HMX3: variants seen among roughly 807,000 people sequenced by gnomAD.
HMX3 encodes the protein H6 family homeobox 3, also known as homeobox protein HMX3.
Under a neutral mutation model 22.8 loss-of-function variants are expected in HMX3, and 8 were observed. The ratio of observed to expected loss-of-function variants is 0.35; its 90% CI spans 0.21 to 0.63. HMX3 has a LOEUF of 0.63. HMX3 is among the 30% of genes least tolerant of loss of function. The pLI is 0.72. For missense variants in HMX3, 527 were observed against 520.6 expected, an observed-to-expected ratio of 1.01 and a Z score of -0.12; for synonymous variants, 331 against 250.9, an observed-to-expected ratio of 1.32 and a Z score of -3.02.
At position 123,137,101 on chromosome 10, in the gene HMX3, C is replaced by T. The variant is rs765905744; in HGVS notation, c.444C>T (p.Gly148=). The part of the protein sequence containing the change: ...ALLRDSSPAS[G]TDRDSPEPLL... ...TGAGAGACTCCTCCCCCGCCTCCGG[C>T]ACAGACCGCGACTCTCCGGAGCCAC... Residue 148 remains glycine, a synonymous_variant, in exon 2 of 2, where the codon GGC becomes GGT. Coordinates refer to ENST00000357878, the MANE Select transcript of HMX3 (RefSeq NM_001105574.2). The surrounding 1 kb of genome is among the most constrained non-coding windows in gnomAD (Gnocchi z 5.8). 1 of 1,611,108 alleles carries T rather than the reference C, an allele frequency of 6.2e-7. No homozygotes were observed. Among genetic ancestry groups the T allele is most frequent in the Non-Finnish European group, 8.5e-7 (1 of 1,179,192 alleles).
At position 123,137,161 on chromosome 10, in the gene HMX3, C is replaced by T. The variant is rs765773748; in HGVS notation, c.504C>T (p.Asp168=). ...LKADPDHKEL[D]SKSPDEIILE... ...CCGACCCCGATCACAAGGAGCTGGA[C>T]TCCAAGAGCCCGGACGAGATCATTC... Residue 168 remains aspartate, a synonymous_variant, in exon 2 of 2, where the codon GAC becomes GAT. Transcript: ENST00000357878. This position sits in a 1 kb window ranked among gnomAD's most constrained non-coding sequence, Gnocchi z 5.8. The T allele has an allele frequency of 3.1e-6, 5 of 1,605,736 alleles. No homozygotes were observed. Among genetic ancestry groups the T allele is most frequent in the Non-Finnish European group, 3.4e-6 (4 of 1,176,270 alleles).
chr10:123,137,296 G>T lies in HMX3; in HGVS notation c.639G>T (p.Lys213Asn). Residue 213 changes from lysine to asparagine, a missense_variant, in exon 2 of 2, where the codon AAG (lysine) becomes AAT (asparagine). Transcript: ENST00000357878. This position sits in a 1 kb window ranked among gnomAD's most constrained non-coding sequence, Gnocchi z 5.8. The stretch of plus-strand genomic sequence containing the variant: ...CCACTCCGGGCGCAGAAGACTGGAA[G>T]AAGGGCGCTGAAAGTCCAGAGAAGA... ...AAATPGAEDW[K>N]KGAESPEKKP... 6.2e-7 allele frequency: 1 copy of T among 1,603,432 alleles called. No homozygotes were observed. Among genetic ancestry groups the T allele is most frequent in the Non-Finnish European group, 8.5e-7 (1 of 1,175,304 alleles).
In HMX3 at chr10:123,137,778, C is replaced by T. The variant is rs956944496; in HGVS notation, c.*47C>T. The T allele has an allele frequency of 1.4e-5, 19 of 1,359,280 alleles. No homozygotes were observed. The highest frequency in any genetic ancestry group is 2.7e-4 in the Middle Eastern group (1 of 3,766). The allele number at this position is 1,359,280 out of a possible 1,614,324, so 84.2% of individuals were successfully genotyped here. A position where few individuals can be genotyped will look rare whatever the true frequency, so the allele number is the denominator to read the frequency against. The stretch of plus-strand genomic sequence containing the variant: ...GGAGCGCCCGGCCTCCTTGTCCGGA[C>T]CCCGGAGGAGACTGGGCCGGGCCGA... On this transcript the variant is annotated 3_prime_UTR_variant, in exon 2 of 2. Coordinates refer to ENST00000357878, the MANE Select transcript of HMX3 (RefSeq NM_001105574.2). This position sits in a 1 kb window ranked among gnomAD's most constrained non-coding sequence, Gnocchi z 5.8.
Position 123,136,521 on chromosome 10 carries a change from C to G in HMX3, c.400+71C>G. The G allele has an allele frequency of 1.6e-6, 2 of 1,218,788 alleles. No individual in the cohort carries two copies. The highest frequency in any genetic ancestry group is 2.1e-6 in the Non-Finnish European group (2 of 943,092). The allele number at this position is 1,218,788 out of a possible 1,614,324, so 75.5% of individuals were successfully genotyped here. The stretch of plus-strand genomic sequence containing the variant: ...CCCGTCCCCGCCCCGCGCTGCTTCC[C>G]TCCGCAGTTCTGGGACCCCAGCACC... On this transcript the variant is annotated intron_variant, in intron 1 of 1. Transcript: ENST00000357878. The surrounding 1 kb of genome is among the most constrained non-coding windows in gnomAD (Gnocchi z 4.8).
rs960326599 is a variant in HMX3, at chr10:123,138,632, C to T, written c.*901C>T. Among the ~76,000 whole-genome samples, 2 of 152,158 alleles carry T rather than the reference C, an allele frequency of 1.3e-5. No homozygotes were observed. The highest frequency in any genetic ancestry group is 2.9e-5 in the Non-Finnish European group (2 of 68,040). ...GAATCCCGACTCAGGCCGCTTTTCT[C>T]TTCTGGAGAGGTCTGTTGCAATTAG... On this transcript the variant is annotated 3_prime_UTR_variant, in exon 2 of 2. Coordinates refer to ENST00000357878, the MANE Select transcript of HMX3 (RefSeq NM_001105574.2).
In HMX3 at chr10:123,139,025, A is replaced by G. The variant is rs1844110781; in HGVS notation, c.*1294A>G. Among the ~76,000 whole-genome samples, 2 of 152,164 alleles carry G rather than the reference A, an allele frequency of 1.3e-5. No homozygotes were observed. The highest frequency in any genetic ancestry group is 1.3e-4 in the Admixed American group (2 of 15,266). On this transcript the variant is annotated 3_prime_UTR_variant, in exon 2 of 2. Transcript: ENST00000357878. ...TGGGAAACAGACCTTTTCACTGTAT[A>G]ATCATGGTCATTCATTTAGAAAGAA...
rs914017963 is a variant in HMX3 at position 123,138,894 on chromosome 10, T to A, written c.*1163T>A. ...TAATTTCAGTATTTTTAATATGATA[T>A]CTTTTATCCTCTCCTCTTACTTTTC... On this transcript the variant is annotated 3_prime_UTR_variant, in exon 2 of 2. Coordinates refer to ENST00000357878, the MANE Select transcript of HMX3 (RefSeq NM_001105574.2). 1.2e-4 allele frequency among the ~76,000 whole-genome samples: 19 copies of A among 152,246 alleles called. No individual in the cohort carries two copies. The highest frequency in any genetic ancestry group is 4.6e-4 in the African/African-American group (19 of 41,472).
rs1384925293 is a variant in HMX3 at position 123,136,089 on chromosome 10, C to T, written c.39C>T (p.Ser13=). The T allele has an allele frequency of 2.9e-6, 4 of 1,401,356 alleles. No individual in the cohort carries two copies. Among genetic ancestry groups the T allele is most frequent in the African/African-American group, 3.0e-5 (2 of 66,086 alleles). The allele number at this position is 1,401,356 out of a possible 1,614,324, so 86.8% of individuals were successfully genotyped here. A position where few individuals can be genotyped will look rare whatever the true frequency, so the allele number is the denominator to read the frequency against. ...GGCCGGACGCTGCCGGCACCGCCAG[C>T]GCACAGCCCCAACCGCCGCCGCCCC... is the stretch of plus-strand genomic sequence containing the variant. ...EPGPDAAGTA[S]AQPQPPPPPP... is the part of the protein sequence containing the mutation. The change falls in exon 1 of 2, where the codon AGC becomes AGT. Residue 13 remains serine (S), a synonymous_variant. Coordinates refer to ENST00000357878, the MANE Select transcript of HMX3 (RefSeq NM_001105574.2). The surrounding 1 kb of genome is among the most constrained non-coding windows in gnomAD (Gnocchi z 4.8).
At position 123,136,970 on chromosome 10, in the gene HMX3, G is replaced by T; in HGVS notation, c.401-88G>T. 7.0e-7 allele frequency: 1 copy of T among 1,428,274 alleles called. No homozygotes were observed. The allele number at this position is 1,428,274 out of a possible 1,614,324, so 88.5% of individuals were successfully genotyped here. On this transcript the variant is annotated intron_variant, in intron 1 of 1. Transcript: ENST00000357878. This position sits in a 1 kb window ranked among gnomAD's most constrained non-coding sequence, Gnocchi z 4.8. Reference sequence around the variant, plus strand: ...TGGCCTGGGACCTGGAGGCCGGCGCGGGTTGAGCCTGCCGTCCCCAGGCGC... The same window carrying T: ...TGGCCTGGGACCTGGAGGCCGGCGCTGGTTGAGCCTGCCGTCCCCAGGCGC...
chr10:123,137,045 T>C lies in HMX3; in HGVS notation c.401-13T>C. On this transcript the variant is annotated splice_polypyrimidine_tract_variant and intron_variant, in intron 1 of 1. Coordinates refer to ENST00000357878, the MANE Select transcript of HMX3 (RefSeq NM_001105574.2). This position sits in a 1 kb window ranked among gnomAD's most constrained non-coding sequence, Gnocchi z 5.8. ...GTGTGCATGTGTGTGCGTCCGTCTGTCTGTCTCCCCAGCCTCGGAGAAGGC... is the reference window on the plus strand; with the variant it reads ...GTGTGCATGTGTGTGCGTCCGTCTGCCTGTCTCCCCAGCCTCGGAGAAGGC... The C allele has an allele frequency of 1.3e-6, 2 of 1,594,298 alleles. No homozygotes were observed. Among genetic ancestry groups the C allele is most frequent in the South Asian group, 2.3e-5 (2 of 88,760 alleles).
In HMX3 at chr10:123,137,638, G is replaced by A. The variant is rs757900416; in HGVS notation, c.981G>A (p.Pro327=). ...EGAAAAAAGA[P]VPVSQPLLTF... is the part of the protein sequence containing the mutation. ...CGGCGGCTGCAGCCGCGGGGGCCCCGGTGCCAGTCAGCCAGCCGCTGCTCA... is the reference window on the plus strand; with the variant it reads ...CGGCGGCTGCAGCCGCGGGGGCCCCAGTGCCAGTCAGCCAGCCGCTGCTCA... The change falls in exon 2 of 2, where the codon CCG becomes CCA. Residue 327 remains proline (P), a synonymous_variant. Transcript: ENST00000357878. The surrounding 1 kb of genome is among the most constrained non-coding windows in gnomAD (Gnocchi z 5.8). 6 of 1,523,186 alleles carry A rather than the reference G, an allele frequency of 3.9e-6. No individual in the cohort carries two copies. The highest frequency in any genetic ancestry group is 4.7e-5 in the East Asian group (2 of 42,924). 94.4% of individuals were successfully genotyped at this position (1,523,186 alleles called of 1,614,324 possible).
rs71484512 is a variant in HMX3 at position 123,138,147 on chromosome 10, C to CTTTTTTTT, written c.*423_*430dup. Reference sequence around the variant, plus strand: ...AATCCCTCTAGTTTATTCTTTTCTGCTTTTTTTTTTTTTTCCGAGACGGAA... The same window carrying CTTTTTTTT: ...AATCCCTCTAGTTTATTCTTTTCTGCTTTTTTTTTTTTTTTTTTTTTTCCGAGACGGAA... On this transcript the variant is annotated 3_prime_UTR_variant, in exon 2 of 2. Transcript: ENST00000357878. Among the ~76,000 whole-genome samples, 1 of 132,126 alleles carries CTTTTTTTT rather than the reference C, an allele frequency of 7.6e-6. No individual in the cohort carries two copies. Among genetic ancestry groups the CTTTTTTTT allele is most frequent in the Non-Finnish European group, 1.6e-5 (1 of 63,670 alleles). The allele number at this position is 132,126 out of a possible 152,430, so 86.7% of individuals were successfully genotyped here. A position where few individuals can be genotyped will look rare whatever the true frequency, so the allele number is the denominator to read the frequency against.
At position 123,136,950 on chromosome 10, in the gene HMX3, T is replaced by C. The variant is rs1589678397; in HGVS notation, c.401-108T>C. On this transcript the variant is annotated intron_variant, in intron 1 of 1. Transcript: ENST00000357878. This position sits in a 1 kb window ranked among gnomAD's most constrained non-coding sequence, Gnocchi z 4.8. ...GCGGGAATGGTGAGGCCTCATGGCC[T>C]GGGACCTGGAGGCCGGCGCGGGTTG... 2.2e-6 allele frequency: 3 copies of C among 1,335,950 alleles called. No homozygotes were observed. Among genetic ancestry groups the C allele is most frequent in the Non-Finnish European group, 2.0e-6 (2 of 999,762 alleles). The allele number at this position is 1,335,950 out of a possible 1,614,324, so 82.8% of individuals were successfully genotyped here.
chr10:123,138,131 A>G lies in HMX3; in HGVS notation c.*400A>G, dbSNP rs1481411379. ...ATAAGCGCAAAACCTAAATCCCTCT[A>G]GTTTATTCTTTTCTGCTTTTTTTTT... On this transcript the variant is annotated 3_prime_UTR_variant, in exon 2 of 2. Coordinates refer to ENST00000357878, the MANE Select transcript of HMX3 (RefSeq NM_001105574.2). Among the ~76,000 whole-genome samples, 1 of 136,326 alleles carries G rather than the reference A, an allele frequency of 7.3e-6. No homozygotes were observed. The highest frequency in any genetic ancestry group is 2.6e-5 in the African/African-American group (1 of 37,826). The allele number at this position is 136,326 out of a possible 152,430, so 89.4% of individuals were successfully genotyped here.
In HMX3 at chr10:123,138,964, C is replaced by T. The variant is rs1043916741; in HGVS notation, c.*1233C>T. On this transcript the variant is annotated 3_prime_UTR_variant, in exon 2 of 2. Transcript: ENST00000357878. ...GTACGTTGACCTGTGCAATATTGTA[C>T]AAAATCTCCTGAGAAAGCTGTTTCC... 5.3e-5 allele frequency among the ~76,000 whole-genome samples: 8 copies of T among 152,074 alleles called. No homozygotes were observed. Among genetic ancestry groups the T allele is most frequent in the African/African-American group, 1.7e-4 (7 of 41,392 alleles).
In HMX3 at chr10:123,136,274, G is replaced by C; in HGVS notation, c.224G>C (p.Gly75Ala). 1 of 1,431,020 alleles carries C rather than the reference G, an allele frequency of 7.0e-7. No homozygotes were observed. The allele number at this position is 1,431,020 out of a possible 1,614,324, so 88.6% of individuals were successfully genotyped here. A position where few individuals can be genotyped will look rare whatever the true frequency, so the allele number is the denominator to read the frequency against. Reference protein sequence around the residue: ...AAAAAAAAAKGALEGAAGFAL... With the variant: ...AAAAAAAAAKAALEGAAGFAL... Reference sequence around the variant, plus strand: ...GCTGCCGCTGCCGCGGCGGCCAAGGGGGCCCTGGAGGGCGCCGCGGGCTTC... The same window carrying C: ...GCTGCCGCTGCCGCGGCGGCCAAGGCGGCCCTGGAGGGCGCCGCGGGCTTC... The change falls in exon 1 of 2, where the codon GGG becomes GCG. Residue 75 changes from glycine to alanine, a missense_variant. Transcript: ENST00000357878. The surrounding 1 kb of genome is among the most constrained non-coding windows in gnomAD (Gnocchi z 4.8).
rs757453579 is a variant in HMX3 at position 123,137,251 on chromosome 10, G to A, written c.594G>A (p.Ala198=). The A allele has an allele frequency of 6.3e-7, 1 of 1,591,746 alleles. No homozygotes were observed. The highest frequency in any genetic ancestry group is 1.1e-5 in the South Asian group (1 of 88,954). ...EGEAAPGAAG[A]SVGAAAATPG... is the part of the protein sequence containing the mutation. ...AAGCGGCGCCAGGCGCGGCCGGGGC[G>A]AGCGTAGGGGCGGCGGCGGCCACTC... is the stretch of plus-strand genomic sequence containing the variant. The change falls in exon 2 of 2, where the codon GCG becomes GCA. Residue 198 remains alanine, a synonymous_variant. Transcript: ENST00000357878. This position sits in a 1 kb window ranked among gnomAD's most constrained non-coding sequence, Gnocchi z 5.8.
Position 123,137,167 on chromosome 10 carries a change from G to A in HMX3, c.510G>A (p.Lys170=). The change falls in exon 2 of 2, where the codon AAG becomes AAA. Residue 170 remains lysine (K), a synonymous_variant. Transcript: ENST00000357878. This position sits in a 1 kb window ranked among gnomAD's most constrained non-coding sequence, Gnocchi z 5.8. ...ADPDHKELDS[K]SPDEIILEES... is the part of the protein sequence containing the mutation. The stretch of plus-strand genomic sequence containing the variant: ...CCGATCACAAGGAGCTGGACTCCAA[G>A]AGCCCGGACGAGATCATTCTGGAGG... 6.2e-7 allele frequency: 1 copy of A among 1,603,998 alleles called. No individual in the cohort carries two copies. Among genetic ancestry groups the A allele is most frequent in the East Asian group, 2.2e-5 (1 of 44,464 alleles).
Position 123,136,355 on chromosome 10 carries a change from G to T in HMX3, c.305G>T (p.Arg102Met), listed in dbSNP as rs756886258. 2 of 1,571,538 alleles carry T rather than the reference G, an allele frequency of 1.3e-6. No individual in the cohort carries two copies. Among genetic ancestry groups the T allele is most frequent in the African/African-American group, 1.4e-5 (1 of 71,396 alleles). Reference protein sequence around the residue: ...AFPRFEIPAQRFALPAHYLER... With the variant: ...AFPRFEIPAQMFALPAHYLER... ...CCTCGCTTTGAGATCCCGGCGCAGA[G>T]GTTTGCCCTGCCCGCGCACTACCTG... The change falls in exon 1 of 2, where the codon AGG (arginine) becomes ATG (methionine). Residue 102 changes from arginine (R) to methionine (M), a missense_variant. Physicochemically the swap from Arg to Met is moderately conservative, Grantham distance 91 (BLOSUM62 -1). Coordinates refer to ENST00000357878, the MANE Select transcript of HMX3 (RefSeq NM_001105574.2). The surrounding 1 kb of genome is among the most constrained non-coding windows in gnomAD (Gnocchi z 4.8).
Sources: allele counts gnomAD v4.1 joint callset (sites outside exome capture counted in the v4.1 genomes callset), GRCh38; gene constraint gnomAD v4.1.1; non-coding constraint Gnocchi (gnomAD v3.1); transcripts MANE v1.5; gene names NCBI Gene and HGNC (gene_info 2026-07-23, HGNC 2026-07-21).